Variants in PDLIM7 observed in about 807,000 individuals in gnomAD.
The protein encoded by PDLIM7 is PDZ and LIM domain protein 7.
In PDLIM7, 37 loss-of-function variants were observed where a neutral mutation model predicts 53.9. That is an observed-to-expected ratio of 0.69 (90% CI 0.53 to 0.90). The LOEUF (loss-of-function observed/expected upper bound fraction) is 0.90. Among genes scored for constraint, PDLIM7 ranks in the 40% least tolerant of loss-of-function variants. The probability of loss-of-function intolerance (pLI) is 0.00; values close to 1 mark genes in which losing one functional copy is unlikely to be tolerated. For synonymous variants in PDLIM7, 300 were observed against 261.3 expected (o/e 1.15, Z -1.43); for missense variants, 617 against 638.5 (o/e 0.97, Z 0.36).
intron 2 of PDLIM7, among the ~76,000 whole-genome samples, chr5:177,493,431 T>G (rs1758905945): frequency 6.6e-6 from 1 of 152,192 alleles, no homozygotes; most frequent in Non-Finnish European, 1.5e-5. Flanking sequence ...GACAGTAGGC[T>G]GGGAGAAATG....
intron 6 of PDLIM7, 29 bp from the exon 7 acceptor site, chr5:177,490,935 A>G (rs763319500): frequency 1.2e-6 from 2 of 1,614,104 alleles, no homozygotes; most frequent in South Asian, 2.2e-5. Flanking sequence ...GCATTGACCA[A>G]AAAAGACACA....
chr5:177,491,433 TA>T (rs1220787133), intron 5 of PDLIM7: 2 of 1,547,120 alleles, frequency 1.3e-6, no homozygotes, highest in African/African-American at 2.8e-5. Context: ...GTGAAGGAAA[TA>T]AGACAGACAG....
chr5:177,487,151 T>C (rs1286104947), intron 10 of PDLIM7, among the ~76,000 whole-genome samples: 3 of 152,046 alleles, frequency 2.0e-5, no homozygotes, highest in African/African-American at 7.2e-5. Flanking sequence ...CAGGCTGGTC[T>C]TGAACTCCTG....
Position 177,492,315 on chromosome 5 carries a change from G to A in PDLIM7, c.279+90C>T, listed in dbSNP as rs1758837319. The A allele has an allele frequency of 8.0e-6, 12 of 1,504,336 alleles. No individual in the cohort carries two copies. The South Asian group carries it at 1.3e-4, about 16-fold the overall frequency. 93.2% of individuals were successfully genotyped at this position (1,504,336 alleles called of 1,614,324 possible). On this transcript the variant is annotated intron_variant, in intron 4 of 12. Transcript: ENST00000355841. ...TGCCCTCCACTCCCGGCCAGGGATT[G>A]GGGTACCGAGAATGTGCCAGGAGGG...
rs1759076890 is a variant in PDLIM7 at position 177,496,474 on chromosome 5, A to G, written c.39T>C (p.Pro13=). Residue 13 remains proline (P), a synonymous_variant, in exon 2 of 13, where the codon CCT becomes CCC. Transcript: ENST00000355841. The stretch of plus-strand genomic sequence containing the variant: ...TGCCCCCTTGCAGCCGGAAGCCCCA[A>G]GGTGCTGGCCCCTCCAGCACTACTT... ...SFKVVLEGPA[P]WGFRLQGGKD... The G allele has an allele frequency of 1.9e-6, 3 of 1,605,454 alleles. No individual in the cohort carries two copies. Among genetic ancestry groups the G allele is most frequent in the African/African-American group, 2.7e-5 (2 of 74,690 alleles).
intron 10 of PDLIM7, among the ~76,000 whole-genome samples, chr5:177,486,734 G>A (rs920831154): frequency 4.6e-5 from 7 of 152,006 alleles, no homozygotes; most frequent in Non-Finnish European, 8.8e-5. Context: ...TGCCTCCCAG[G>A]TTCACGCCAT....
At position 177,490,749 on chromosome 5, in the gene PDLIM7, GGAAGGAAGGAAGGA is replaced by G. The variant is rs1233067905; in HGVS notation, c.572+107_572+120del. 242 of 998,754 alleles carry G rather than the reference GGAAGGAAGGAAGGA, an allele frequency of 2.4e-4. 4 individuals carry two copies. Among genetic ancestry groups the G allele is most frequent in the Middle Eastern group, 1.2e-3 (4 of 3,280 alleles). The allele number at this position is 998,754 out of a possible 1,614,324, so 61.9% of individuals were successfully genotyped here. On this transcript the variant is annotated intron_variant, in intron 7 of 12. Coordinates refer to ENST00000355841, the MANE Select transcript of PDLIM7 (RefSeq NM_005451.5). ...AGGAAGGAAGGAAGGAAGGAAGGAAGGAAGGAAGGAAGGAAGGGAGAATTGAGAGCCCCAGCTGG... is the reference window on the plus strand; with the variant it reads ...AGGAAGGAAGGAAGGAAGGAAGGAAGAGGGAGAATTGAGAGCCCCAGCTGG...
intron 10 of PDLIM7, among the ~76,000 whole-genome samples, chr5:177,486,824 G>T (rs894020948): frequency 6.6e-6 from 1 of 151,186 alleles, no homozygotes; most frequent in Non-Finnish European, 1.5e-5. Flanking sequence ...GTAGAGATGG[G>T]GTTTCACCGT....
At chr5:177,487,868 CG>C (rs1361338311) in intron 10 of PDLIM7, 199 bp downstream of exon 10, 7 of 464,732 alleles carry the variant, frequency 1.5e-5, no homozygotes, top group Middle Eastern at 1.1e-3. Context: ...CAGCCTTGGG[CG>C]GTTTCTGAGC....
At chr5:177,490,165 C>T (rs1312247829) in intron 7 of PDLIM7, 7 of 1,454,984 alleles carry the variant, frequency 4.8e-6, no homozygotes, top group Non-Finnish European at 6.4e-6. Flanking sequence ...GACGGCAGGG[C>T]CCAAACAGTC....
rs142879124 is a variant in PDLIM7, at chr5:177,495,810, C to T, written c.96+607G>A. 5.7e-4 allele frequency among the ~76,000 whole-genome samples: 87 copies of T among 152,146 alleles called. 1 individual carries two copies. The highest frequency in any genetic ancestry group is 2.0e-3 in the African/African-American group (83 of 41,510). Reference sequence around the variant, plus strand: ...AATGGAGCCCTGTCCTACACTTCTGCTTGGGGTCAAAGGCCACCACATCCT... The same window carrying T: ...AATGGAGCCCTGTCCTACACTTCTGTTTGGGGTCAAAGGCCACCACATCCT... On this transcript the variant is annotated intron_variant, in intron 2 of 12. Coordinates refer to ENST00000355841, the MANE Select transcript of PDLIM7 (RefSeq NM_005451.5).
intron 9 of PDLIM7, among the ~76,000 whole-genome samples, chr5:177,489,072 G>A (rs1009826686): frequency 2.0e-5 from 3 of 152,202 alleles, no homozygotes; most frequent in Non-Finnish European, 4.4e-5. Flanking sequence ...CAGAGAGCAG[G>A]AGGGAGGGGC....
Position 177,490,555 on chromosome 5 carries a change from G to C in PDLIM7, c.572+315C>G, listed in dbSNP as rs562606742. On this transcript the variant is annotated intron_variant, in intron 7 of 12. Coordinates refer to ENST00000355841, the MANE Select transcript of PDLIM7 (RefSeq NM_005451.5). ...CTGGTGGTGCCAGTCCCGGAGGCGG[G>C]TGTAGCGTGGGCTCTGCAGCTCCAG... 6 of 1,564,656 alleles carry C rather than the reference G, an allele frequency of 3.8e-6. No individual in the cohort carries two copies. In the Admixed American group the frequency reaches 9.5e-5, roughly 25 times the overall value.
intron 2 of PDLIM7, chr5:177,492,935 G>C (rs1187105350): frequency 6.0e-6 from 3 of 501,588 alleles, no homozygotes; most frequent in Non-Finnish European, 1.1e-5. Context: ...GCTCACCTGA[G>C]CTTCCCCAGT....
At chr5:177,486,089 T>A (rs566752465) in intron 10 of PDLIM7, among the ~76,000 whole-genome samples, 55 of 152,250 alleles carry the variant, frequency 3.6e-4, no homozygotes, top group African/African-American at 1.3e-3. Flanking sequence ...TTTCTAATTT[T>A]TTTTTTTTTG....
chr5:177,486,315 G>A (rs1469078693), intron 10 of PDLIM7, among the ~76,000 whole-genome samples: 1 of 152,132 alleles, frequency 6.6e-6, no homozygotes, highest in East Asian at 1.9e-4. Context: ...TGTAGCCTTC[G>A]GATGGTGCAT....
At chr5:177,495,979 GTTC>G (rs1432625177) in intron 2 of PDLIM7, among the ~76,000 whole-genome samples, 2 of 152,060 alleles carry the variant, frequency 1.3e-5, no homozygotes, top group African/African-American at 2.4e-5. Context: ...CTCTCCATGA[GTTC>G]TTCTCTCATC....
At chr5:177,497,035 G>GGGAGA (rs1415237001) in intron 1 of PDLIM7, among the ~76,000 whole-genome samples, 2 of 144,670 alleles carry the variant, frequency 1.4e-5, no homozygotes, top group East Asian at 4.2e-4. Flanking sequence ...GGGAGGGGAG[G>GGGAGA]GGAGGGGAGG....
intron 7 of PDLIM7, chr5:177,490,237 C>T: frequency 6.9e-7 from 1 of 1,448,254 alleles, no homozygotes; most frequent in African/African-American, 1.4e-5. Flanking sequence ...AGAAGACAGG[C>T]AGAGCAAGCA....
Sources: gnomAD v4.1 joint callset for allele counts (sites outside exome capture counted in the v4.1 genomes callset) on GRCh38, gnomAD v4.1.1 for gene constraint, MANE v1.5 for transcripts, NCBI Gene and HGNC (gene_info 2026-07-23, HGNC 2026-07-21) for gene names.